Variants in CD163L1 observed in about 807,000 individuals in gnomAD.
The protein encoded by CD163L1 is scavenger receptor cysteine-rich type 1 protein M160.
Under a neutral mutation model 165.4 loss-of-function variants are expected in CD163L1, and 124 were observed. The observed-to-expected ratio is 0.75, with a 90% CI of 0.65 to 0.87. CD163L1 has a LOEUF of 0.87. CD163L1 is among the 40% of genes least tolerant of loss of function. The pLI is 0.00. For synonymous variants in CD163L1, 585 were observed against 662.2 expected (o/e 0.88, Z 1.79); for missense variants, 1,525 against 1,799.9 (o/e 0.85, Z 2.76).
At chr12:7,385,105 A>C (rs1947489268) in intron 8 of CD163L1, among the ~76,000 whole-genome samples, 1 of 152,066 alleles carries the variant, frequency 6.6e-6, no homozygotes, top group Non-Finnish European at 1.5e-5. Flanking sequence ...TCCTAGAAGA[A>C]ACTGACTTCA....
At chr12:7,438,905 C>T (rs866413822) in intron 2 of CD163L1, 3 of 1,600,830 alleles carry the variant, frequency 1.9e-6, no homozygotes, top group Middle Eastern at 1.7e-4. Context: ...GTCTTGATTC[C>T]TCTGCTTTTT....
At chr12:7,442,921 G>A (rs1948848631) in intron 1 of CD163L1, among the ~76,000 whole-genome samples, 1 of 152,162 alleles carries the variant, frequency 6.6e-6, no homozygotes, top group South Asian at 2.1e-4. Context: ...TCTTGAGAAG[G>A]AGAATTAAAG....
At position 7,421,471 on chromosome 12, in the gene CD163L1, A is replaced by ACATATATG. The variant is rs1565810036; in HGVS notation, c.766+10944_766+10945insCATATATG. On this transcript the variant is annotated intron_variant, in intron 4 of 19. Coordinates refer to ENST00000313599, the MANE Select transcript of CD163L1 (RefSeq NM_174941.6). Reference sequence around the variant, plus strand: ...CATATATGTACATATATACATATATATACATATATGTACATATATACATAT... The same window carrying ACATATATG: ...CATATATGTACATATATACATATATACATATATGTACATATATGTACATATATACATAT... Among the ~76,000 whole-genome samples, 18 of 124,240 alleles carry ACATATATG rather than the reference A, an allele frequency of 1.4e-4. 1 individual carries two copies. Among genetic ancestry groups the ACATATATG allele is most frequent in the South Asian group, 2.5e-4 (1 of 4,032 alleles). 81.5% of individuals were successfully genotyped at this position (124,240 alleles called of 152,430 possible).
intron 2 of CD163L1, among the ~76,000 whole-genome samples, chr12:7,436,626 G>C (rs1406876053): frequency 6.6e-6 from 1 of 151,956 alleles, no homozygotes; most frequent in Admixed American, 6.6e-5. Context: ...TTTTTAATTA[G>C]CTGGGTATAG....
the CD163L1 span, chr12:7,326,917 C>A: frequency 6.6e-7 from 1 of 1,506,240 alleles, no homozygotes; most frequent in Non-Finnish European, 8.9e-7. Context: ...GCATTTGTTG[C>A]AAATCCTTGA....
the CD163L1 span, among the ~76,000 whole-genome samples, chr12:7,332,722 C>T: frequency 2.0e-5 from 3 of 152,154 alleles, no homozygotes; most frequent in Admixed American, 1.3e-4. Flanking sequence ...ACTTCACAGA[C>T]AAGCAAGTGC....
chr12:7,401,813 A>G (rs547751067), intron 6 of CD163L1, among the ~76,000 whole-genome samples: 2 of 151,972 alleles, frequency 1.3e-5, no homozygotes, highest in Non-Finnish European at 1.5e-5. Context: ...GATTTAAAAA[A>G]TTATTTTTTT....
At chr12:7,332,221 G>C in the CD163L1 span, among the ~76,000 whole-genome samples, 1 of 152,156 alleles carries the variant, frequency 6.6e-6, no homozygotes, top group Admixed American at 6.5e-5. Flanking sequence ...AGCGAGAAGA[G>C]AAGTTTAGAG....
intron 6 of CD163L1, among the ~76,000 whole-genome samples, chr12:7,399,624 G>T (rs1430724557): frequency 1.5e-5 from 2 of 134,764 alleles, no homozygotes; most frequent in Non-Finnish European, 3.1e-5. Context: ...TTTCTTTTCT[G>T]TCCAGGGTCT....
Position 7,432,632 on chromosome 12 carries a change from A to C in CD163L1, c.550T>G (p.Trp184Gly). 1 of 1,614,082 alleles carries C rather than the reference A, an allele frequency of 6.2e-7. No individual in the cohort carries two copies. The highest frequency in any genetic ancestry group is 8.5e-7 in the Non-Finnish European group (1 of 1,180,002). ...ERWGTICDDGWNLNTAAVVCR... is the reference protein window; with the variant it reads ...ERWGTICDDGGNLNTAAVVCR... ...ACCACGGCAGCAGTATTCAAGTTCC[A>C]CCCATCATCACATATAGTTCCCCAC... Residue 184 changes from tryptophan (W) to glycine (G), a missense_variant, in exon 4 of 20, where the codon TGG (tryptophan) becomes GGG (glycine). Trp to Gly is a radical substitution (Grantham distance 184). Coordinates refer to ENST00000313599, the MANE Select transcript of CD163L1 (RefSeq NM_174941.6). The surrounding 1 kb of genome is among the most constrained non-coding windows in gnomAD (Gnocchi z 4.2).
At chr12:7,438,940 T>C (rs59581534) in intron 2 of CD163L1, 3 of 1,606,702 alleles carry the variant, frequency 1.9e-6, no homozygotes, top group African/African-American at 1.3e-5. Context: ...TCTCTAAGAA[T>C]GCGTTCTTGT....
Position 7,432,441 on chromosome 12 carries a change from A to G in CD163L1, c.741T>C (p.Asn247=). The change falls in exon 4 of 20, where the codon AAT becomes AAC. Residue 247 remains asparagine (N), a synonymous_variant. Transcript: ENST00000313599. The surrounding 1 kb of genome is among the most constrained non-coding windows in gnomAD (Gnocchi z 4.2). ...CATAACAAGTTAATGTGACATCCTC[A>G]TTGTGACTGCAGTCATGATTTCCCC... is the stretch of plus-strand genomic sequence containing the variant. The part of the protein sequence containing the change: ...RGWGNHDCSH[N]EDVTLTCYDS... 6.2e-7 allele frequency: 1 copy of G among 1,613,432 alleles called. No individual in the cohort carries two copies. Among genetic ancestry groups the G allele is most frequent in the Non-Finnish European group, 8.5e-7 (1 of 1,179,502 alleles).
At chr12:7,350,957 T>C (rs1035043859), downstream of CD163L1, among the ~76,000 whole-genome samples, 1 of 152,146 alleles carries the variant, frequency 6.6e-6, no homozygotes, top group Non-Finnish European at 1.5e-5. Context: ...AGTACAATTA[T>C]CAAACAAAAA....
chr12:7,407,288 T>G (rs758688034), intron 4 of CD163L1, among the ~76,000 whole-genome samples: 19 of 152,196 alleles, frequency 1.2e-4, no homozygotes, highest in Non-Finnish European at 2.6e-4. Context: ...CTCTTTTTCC[T>G]ATTTCAAAAA....
At chr12:7,357,146 G>T (rs1363024111) in intron 19 of CD163L1, among the ~76,000 whole-genome samples, 1 of 152,132 alleles carries the variant, frequency 6.6e-6, no homozygotes, top group African/African-American at 2.4e-5. Flanking sequence ...ACTATCTGCA[G>T]CATCAGCCAA....
chr12:7,382,288 C>G (rs1947428030), intron 8 of CD163L1, among the ~76,000 whole-genome samples: 2 of 151,814 alleles, frequency 1.3e-5, no homozygotes, highest in African/African-American at 4.8e-5. Flanking sequence ...AGAACTTTCC[C>G]TTAAAAGAGA....
intron 4 of CD163L1, among the ~76,000 whole-genome samples, chr12:7,407,562 G>A (rs565961992): frequency 1.4e-4 from 21 of 150,034 alleles, no homozygotes; most frequent in Middle Eastern, 3.5e-3. Flanking sequence ...TGACCACTAC[G>A]TATATGTATC....
chr12:7,433,095 C>A (rs1480057052), intron 3 of CD163L1, among the ~76,000 whole-genome samples: 1 of 152,124 alleles, frequency 6.6e-6, no homozygotes, highest in African/African-American at 2.4e-5. Context: ...TTTCTAAACT[C>A]AATTATAGTT....
intron 4 of CD163L1, among the ~76,000 whole-genome samples, chr12:7,415,905 T>C (rs929502624): frequency 2.0e-5 from 3 of 152,220 alleles, no homozygotes; most frequent in African/African-American, 7.2e-5. Flanking sequence ...TGTATCTTTA[T>C]AGTAGAATGA....
Sources: allele counts gnomAD v4.1 joint callset (sites outside exome capture counted in the v4.1 genomes callset), GRCh38; gene constraint gnomAD v4.1.1; non-coding constraint Gnocchi (gnomAD v3.1); transcripts MANE v1.5; gene names NCBI Gene and HGNC (gene_info 2026-07-23, HGNC 2026-07-21).